OPCML: variants seen among roughly 807,000 people sequenced by gnomAD.
OPCML encodes opioid-binding protein/cell adhesion molecule.
Under a neutral mutation model 37.8 loss-of-function variants are expected in OPCML, and 13 were observed. The ratio of observed to expected loss-of-function variants is 0.34; its 90% CI spans 0.22 to 0.55. The LOEUF (loss-of-function observed/expected upper bound fraction) is 0.55. OPCML is among the 20% of genes least tolerant of loss of function. The probability of loss-of-function intolerance (pLI) is 0.91; values close to 1 mark genes in which losing one functional copy is unlikely to be tolerated. For synonymous variants in OPCML, 176 were observed against 168.8 expected (o/e 1.04, Z -0.33); for missense variants, 341 against 435.6 (o/e 0.78, Z 1.93).
At chr11:133,123,942 A>G (rs1396137642) in intron 1 of OPCML, among the ~76,000 whole-genome samples, 1 of 152,078 alleles carries the variant, frequency 6.6e-6, no homozygotes, top group Non-Finnish European at 1.5e-5. Context: ...AAGCAGAGCC[A>G]CCCCCAAGAA....
intron 1 of OPCML, among the ~76,000 whole-genome samples, chr11:133,207,430 A>G (rs185968905): frequency 1.6e-3 from 247 of 152,326 alleles, no homozygotes; most frequent in African/African-American, 5.7e-3. Context: ...TGTTTCTCCA[A>G]CTAATGAATG....
At position 132,420,308 on chromosome 11, in the gene OPCML, G is replaced by T; in HGVS notation, c.917-15C>A. 2 of 1,613,280 alleles carry T rather than the reference G, an allele frequency of 1.2e-6. No individual in the cohort carries two copies. The highest frequency in any genetic ancestry group is 1.1e-5 in the South Asian group (1 of 90,986). On this transcript the variant is annotated splice_polypyrimidine_tract_variant and intron_variant, in intron 7 of 7. Transcript: ENST00000524381. ...TGCTCCAGGCCCTGTGTAGGGGAGA[G>T]AGAGACAGACCCATTAGCATACACC... is the stretch of plus-strand genomic sequence containing the variant.
At chr11:132,993,669 T>C (rs1946824053) in intron 1 of OPCML, among the ~76,000 whole-genome samples, 1 of 152,088 alleles carries the variant, frequency 6.6e-6, no homozygotes. Context: ...GGAAATACCA[T>C]AGACAGGGAC....
chr11:133,420,285 C>T (rs1945860414), intron 1 of OPCML: 6 of 985,380 alleles, frequency 6.1e-6, no homozygotes, highest in Non-Finnish European at 7.2e-6. Context: ...TCCTGAACGT[C>T]TTTGGCACGA....
chr11:133,371,794 G>A (rs1020387815), intron 1 of OPCML, among the ~76,000 whole-genome samples: 4 of 152,174 alleles, frequency 2.6e-5, no homozygotes, highest in Non-Finnish European at 5.9e-5. Flanking sequence ...CTAATACAAT[G>A]CTAATTACAG....
intron 3 of OPCML, among the ~76,000 whole-genome samples, chr11:132,631,849 A>T (rs1367163072): frequency 6.6e-6 from 1 of 152,150 alleles, no homozygotes; most frequent in Non-Finnish European, 1.5e-5. Context: ...TCAGCATGGC[A>T]AGACGTATCA....
At chr11:133,197,831 C>G (rs1167296236) in intron 1 of OPCML, among the ~76,000 whole-genome samples, 2 of 152,156 alleles carry the variant, frequency 1.3e-5, no homozygotes, top group East Asian at 3.9e-4. Flanking sequence ...AGGACGCCTC[C>G]CCAAACAGCC....
intron 4 of OPCML, among the ~76,000 whole-genome samples, chr11:132,486,047 T>C (rs570570060): frequency 3.9e-5 from 6 of 152,334 alleles, no homozygotes; most frequent in South Asian, 2.1e-4. Flanking sequence ...TGCCTCTTTG[T>C]CAACACTTAG....
chr11:132,749,229 C>T (rs1478352660), intron 2 of OPCML, among the ~76,000 whole-genome samples: 1 of 152,152 alleles, frequency 6.6e-6, no homozygotes, highest in African/African-American at 2.4e-5. Flanking sequence ...TTCCAGCTTC[C>T]AGGGCTGTGA....
intron 2 of OPCML, among the ~76,000 whole-genome samples, chr11:132,733,707 C>T (rs1465623709): frequency 1.3e-5 from 2 of 152,096 alleles, no homozygotes; most frequent in Non-Finnish European, 2.9e-5. Context: ...TCACATTGAT[C>T]CACCGTGGTA....
chr11:132,601,833 T>G (rs934777376), intron 3 of OPCML, among the ~76,000 whole-genome samples: 1 of 152,210 alleles, frequency 6.6e-6, no homozygotes, highest in Non-Finnish European at 1.5e-5. Flanking sequence ...CATCCGTTTA[T>G]AGGTACATAC....
intron 7 of OPCML, among the ~76,000 whole-genome samples, chr11:132,427,055 T>A (rs893617777): frequency 2.0e-5 from 3 of 152,174 alleles, no homozygotes; most frequent in Non-Finnish European, 4.4e-5. Flanking sequence ...CTTTCCATGA[T>A]TACAATGAAA....
At chr11:132,732,635 T>C (rs1945117362) in intron 2 of OPCML, among the ~76,000 whole-genome samples, 1 of 151,968 alleles carries the variant, frequency 6.6e-6, no homozygotes, top group East Asian at 1.9e-4. Flanking sequence ...ACAACCCCAG[T>C]GTGTAAGGGG....
intron 1 of OPCML, among the ~76,000 whole-genome samples, chr11:133,458,851 G>GTGTGTGTGTATATACACATAGATACACA (rs1565646086): frequency 2.7e-5 from 4 of 146,636 alleles, no homozygotes; most frequent in African/African-American, 1.1e-4. Flanking sequence ...ATAGATGCAC[G>GTGTGTGTGTATATACACATAGATACACA]TGTGTGTGTA....
At chr11:133,070,259 A>G (rs1322483643) in intron 1 of OPCML, among the ~76,000 whole-genome samples, 1 of 152,202 alleles carries the variant, frequency 6.6e-6, no homozygotes, top group Non-Finnish European at 1.5e-5. Context: ...CATAATAATT[A>G]GCTCTGCAGC....
intron 4 of OPCML, among the ~76,000 whole-genome samples, chr11:132,443,522 G>C (rs1443317900): frequency 6.6e-6 from 1 of 152,208 alleles, no homozygotes; most frequent in African/African-American, 2.4e-5. Flanking sequence ...GGTGATTGAC[G>C]ACCAAGTGCA....
intron 1 of OPCML, among the ~76,000 whole-genome samples, chr11:133,215,666 T>C (rs1939553821): frequency 6.6e-6 from 1 of 152,094 alleles, no homozygotes; most frequent in Non-Finnish European, 1.5e-5. Flanking sequence ...AGGGGCAGAA[T>C]TGCATCAGAA....
chr11:132,581,413 T>A (rs956498977), intron 3 of OPCML, among the ~76,000 whole-genome samples: 3 of 152,190 alleles, frequency 2.0e-5, no homozygotes, highest in Non-Finnish European at 4.4e-5. Flanking sequence ...CTCTCCTATG[T>A]TTTGGTTTAT....
intron 1 of OPCML, among the ~76,000 whole-genome samples, chr11:133,323,843 T>A (rs1943390306): frequency 6.6e-6 from 1 of 152,234 alleles, no homozygotes; most frequent in Non-Finnish European, 1.5e-5. Flanking sequence ...ACTTCATTTA[T>A]GCCCTCTCCG....
Sources: allele counts gnomAD v4.1 joint callset (sites outside exome capture counted in the v4.1 genomes callset), GRCh38; gene constraint gnomAD v4.1.1; transcripts MANE v1.5; gene names NCBI Gene and HGNC (gene_info 2026-07-23, HGNC 2026-07-21).